Variants in FMN2 observed in about 807,000 individuals in gnomAD.
FMN2 encodes the protein formin-2.
In FMN2, 51 loss-of-function variants were observed where a neutral mutation model predicts 142.3. The ratio of observed to expected loss-of-function variants is 0.36; its 90% CI spans 0.29 to 0.45. FMN2 has a LOEUF of 0.45. FMN2 is among the 20% of genes least tolerant of loss of function. FMN2 has a pLI of 1.00. For synonymous variants in FMN2, 882 were observed against 869.8 expected (o/e 1.01, Z -0.25); for missense variants, 1,936 against 2,122.8 (o/e 0.91, Z 1.73).
intron 11 of FMN2, among the ~76,000 whole-genome samples, chr1:240,332,006 C>A (rs1021002262): frequency 3.3e-5 from 5 of 152,194 alleles, no homozygotes; most frequent in African/African-American, 1.2e-4. Context: ...TAAGATGAAG[C>A]ATCGGGAGTC....
At chr1:240,251,060 GT>G (rs544617826) in intron 6 of FMN2, among the ~76,000 whole-genome samples, 1 of 151,394 alleles carries the variant, frequency 6.6e-6, no homozygotes, top group Non-Finnish European at 1.5e-5. Flanking sequence ...TTCTTTGTGG[GT>G]TTTTTTAGTC....
chr1:240,142,701 A>G lies in FMN2; in HGVS notation c.1782+19356A>G. 1.9e-6 allele frequency: 3 copies of G among 1,611,470 alleles called. No homozygotes were observed. In the South Asian group the frequency reaches 3.3e-5, roughly 18 times the overall value. The stretch of plus-strand genomic sequence containing the variant: ...ATAATTGGGGTTCTTCCGAAGGATA[A>G]CAAAACTTTCCAGAATGGGGGTAAC... On this transcript the variant is annotated intron_variant, in intron 2 of 17. Transcript: ENST00000319653.
At chr1:240,206,713 A>T in intron 4 of FMN2, 86 bp from the exon 5 acceptor site, 1 of 1,438,606 alleles carries the variant, frequency 7.0e-7, no homozygotes, top group African/African-American at 1.4e-5. Context: ...GTATGACAAC[A>T]AACAGATATA....
chr1:240,136,288 G>A (rs1346274894), intron 2 of FMN2, among the ~76,000 whole-genome samples: 1 of 152,120 alleles, frequency 6.6e-6, no homozygotes, highest in Non-Finnish European at 1.5e-5. Flanking sequence ...CGTTGCAAAA[G>A]TAGTAATGAT....
chr1:240,293,735 G>T (rs1172998151), intron 7 of FMN2, among the ~76,000 whole-genome samples: 2 of 152,040 alleles, frequency 1.3e-5, no homozygotes, highest in Admixed American at 1.3e-4. Context: ...TTATTAGGGT[G>T]GAAGTATCAT....
Position 240,093,273 on chromosome 1 carries a change from A to G in FMN2, c.1164A>G (p.Gly388=). 1.2e-6 allele frequency: 2 copies of G among 1,602,552 alleles called. No individual in the cohort carries two copies. Residue 388 remains glycine, a synonymous_variant, in exon 1 of 18, where the codon GGA becomes GGG. Coordinates refer to ENST00000319653, the MANE Select transcript of FMN2 (RefSeq NM_020066.5). ...LGEEPEEEAQ[G]PDAPAAASLP... ...AAGAGCCGGAGGAGGAGGCGCAAGG[A>G]CCTGACGCCCCCGCGGCCGCTTCCC...
chr1:240,291,746 T>C (rs1376488492), intron 7 of FMN2, among the ~76,000 whole-genome samples: 1 of 142,360 alleles, frequency 7.0e-6, no homozygotes, highest in Non-Finnish European at 1.6e-5. Flanking sequence ...TTTTTGTTTT[T>C]CTTTTTTTTG....
chr1:240,157,659 T>C (rs948048720), intron 2 of FMN2, among the ~76,000 whole-genome samples: 3 of 152,268 alleles, frequency 2.0e-5, no homozygotes, highest in Admixed American at 1.3e-4. Context: ...GTAACTGTAG[T>C]TGGTACTATT....
At chr1:240,375,245 G>A (rs1265955088) in intron 14 of FMN2, among the ~76,000 whole-genome samples, 2 of 152,162 alleles carry the variant, frequency 1.3e-5, no homozygotes, top group African/African-American at 4.8e-5. Context: ...TAATGGGAAA[G>A]TTTGAAATAC....
intron 11 of FMN2, among the ~76,000 whole-genome samples, chr1:240,332,577 T>C (rs1471531660): frequency 6.6e-6 from 1 of 152,168 alleles, no homozygotes; most frequent in Non-Finnish European, 1.5e-5. Flanking sequence ...TGGTATCAGT[T>C]TATATATCTT....
At chr1:240,109,380 A>T (rs1335260896) in intron 1 of FMN2, among the ~76,000 whole-genome samples, 1 of 152,190 alleles carries the variant, frequency 6.6e-6, no homozygotes, top group African/African-American at 2.4e-5. Flanking sequence ...AGTCTTTGGA[A>T]TGAGTAAAAC....
Position 240,396,303 on chromosome 1 carries a change from C to CGTGTGTGT in FMN2, c.4910+3776_4910+3783dup, listed in dbSNP as rs57641655. On this transcript the variant is annotated intron_variant, in intron 15 of 17. Transcript: ENST00000319653. Reference sequence around the variant, plus strand: ...AAACCCACAATATCTCCGAGGTTTTCGTGTGTGTGTGTGTGTGTGTGTGTG... The same window carrying CGTGTGTGT: ...AAACCCACAATATCTCCGAGGTTTTCGTGTGTGTGTGTGTGTGTGTGTGTGTGTGTGTG... Among the ~76,000 whole-genome samples, 592 of 142,808 alleles carry CGTGTGTGT rather than the reference C, an allele frequency of 4.1e-3. 3 individuals carry two copies. Among genetic ancestry groups the CGTGTGTGT allele is most frequent in the African/African-American group, 9.7e-3 (386 of 39,614 alleles). The allele number at this position is 142,808 out of a possible 152,430, so 93.7% of individuals were successfully genotyped here.
Position 240,093,111 on chromosome 1 carries a change from G to A in FMN2, c.1002G>A (p.Ala334=). Residue 334 remains alanine (A), a synonymous_variant, in exon 1 of 18, where the codon GCG becomes GCA. Coordinates refer to ENST00000319653, the MANE Select transcript of FMN2 (RefSeq NM_020066.5). ...CCGAGGCCGGGCCGGGGGAGGAAGC[G>A]GCCGGAGCCCCCGTGCGAGGGGCTG... The part of the protein sequence containing the change: ...PFPEAGPGEE[A]AGAPVRGAGD... The A allele has an allele frequency of 2.9e-6, 4 of 1,398,106 alleles. No individual in the cohort carries two copies. The highest frequency in any genetic ancestry group is 3.7e-6 in the Non-Finnish European group (4 of 1,085,416). The allele number at this position is 1,398,106 out of a possible 1,614,324, so 86.6% of individuals were successfully genotyped here. A position where few individuals can be genotyped will look rare whatever the true frequency, so the allele number is the denominator to read the frequency against.
At chr1:240,148,977 A>T (rs542699879) in intron 2 of FMN2, among the ~76,000 whole-genome samples, 51 of 150,164 alleles carry the variant, frequency 3.4e-4, no homozygotes, top group Middle Eastern at 3.5e-3. Flanking sequence ...GTCTCAAAAA[A>T]AAATAAATAA....
intron 5 of FMN2, among the ~76,000 whole-genome samples, 171 bp from the exon 6 acceptor site, chr1:240,210,920 A>C (rs1666666643): frequency 6.6e-6 from 1 of 152,182 alleles, no homozygotes; most frequent in African/African-American, 2.4e-5. Context: ...AAGTTGATCA[A>C]ACAAATGGTG....
At chr1:240,273,524 C>T (rs749488212) in intron 7 of FMN2, among the ~76,000 whole-genome samples, 18 of 151,966 alleles carry the variant, frequency 1.2e-4, no homozygotes, top group Non-Finnish European at 1.9e-4. Context: ...TTGTTTTTTT[C>T]CTGTGTGGTT....
intron 2 of FMN2, chr1:240,145,035 C>A (rs1356047942): frequency 1.4e-6 from 2 of 1,386,590 alleles, no homozygotes; most frequent in Non-Finnish European, 2.1e-6. Context: ...TCCCCAGGGG[C>A]CATGTTCTCA....
chr1:240,372,459 T>C (rs1392781278), intron 14 of FMN2, among the ~76,000 whole-genome samples: 1 of 152,022 alleles, frequency 6.6e-6, no homozygotes. Context: ...TTTCCTCCAA[T>C]GATTTCTTAT....
At chr1:240,429,336 C>G (rs9661787) in intron 15 of FMN2, among the ~76,000 whole-genome samples, 25,334 of 152,066 alleles carry the variant, frequency 0.17, 2,380 homozygotes, top group East Asian at 0.38. Context: ...TATTTTGCTC[C>G]TGTTTTCTTT....
Sources: allele counts gnomAD v4.1 joint callset (sites outside exome capture counted in the v4.1 genomes callset), GRCh38; gene constraint gnomAD v4.1.1; transcripts MANE v1.5; gene names NCBI Gene and HGNC (gene_info 2026-07-23, HGNC 2026-07-21).